THSD4: variants seen among roughly 807,000 people sequenced by gnomAD.
The protein encoded by THSD4 is thrombospondin type 1 domain containing 4.
In THSD4, 69 loss-of-function variants were observed where a neutral mutation model predicts 119.0. The ratio of observed to expected loss-of-function variants is 0.58; its 90% CI spans 0.48 to 0.71. The LOEUF (loss-of-function observed/expected upper bound fraction) is 0.71, where lower values mean the gene tolerates loss of function less well. THSD4 is among the 30% of genes least tolerant of loss of function. The pLI, the probability that THSD4 is intolerant of heterozygous loss-of-function variation, is 0.00. For missense variants in THSD4, 1,393 were observed against 1,391.1 expected (o/e 1.00, Z -0.02); for synonymous variants, 524 against 540.4 (o/e 0.97, Z 0.42).
At chr15:71,374,181 C>G (rs991225151) in intron 6 of THSD4, among the ~76,000 whole-genome samples, 3 of 152,216 alleles carry the variant, frequency 2.0e-5, no homozygotes, top group African/African-American at 7.2e-5. Context: ...ATGTCCTTGA[C>G]TGTGGAGTGG....
At chr15:71,614,656 G>A (rs1238900458) in intron 7 of THSD4, among the ~76,000 whole-genome samples, 1 of 152,184 alleles carries the variant, frequency 6.6e-6, no homozygotes, top group African/African-American at 2.4e-5. Flanking sequence ...TGGGTTATAA[G>A]ACATAGTTCA....
intron 6 of THSD4, chr15:71,341,263 A>C (rs535873847): frequency 6.3e-7 from 1 of 1,596,162 alleles, no homozygotes; most frequent in Admixed American, 1.7e-5. Flanking sequence ...CCTTTTCCGT[A>C]AGGATCATCT....
At chr15:71,446,276 A>G (rs1264277786) in intron 7 of THSD4, among the ~76,000 whole-genome samples, 3 of 151,902 alleles carry the variant, frequency 2.0e-5, no homozygotes, top group Non-Finnish European at 2.9e-5. Flanking sequence ...TGTGTAGATA[A>G]GTATAGCAAC....
chr15:71,742,202 T>C (rs2053250041), intron 11 of THSD4, among the ~76,000 whole-genome samples: 1 of 152,192 alleles, frequency 6.6e-6, no homozygotes, highest in Non-Finnish European at 1.5e-5. Flanking sequence ...ACCACACAGT[T>C]CTGTGCTTTT....
intron 7 of THSD4, among the ~76,000 whole-genome samples, chr15:71,603,669 GGTGGGCT>G (rs58935008): frequency 0.42 from 63,617 of 151,810 alleles, 13,702 homozygotes; most frequent in East Asian, 0.74. Flanking sequence ...GCCTGAAGCT[GGTGGGCT>G]GTGACAGGTA....
chr15:71,486,611 G>GTTTTTTTTTTTTTTTTTTT (rs200120589), intron 7 of THSD4, among the ~76,000 whole-genome samples: 1 of 131,712 alleles, frequency 7.6e-6, no homozygotes, highest in Non-Finnish European at 1.6e-5. Context: ...TTTCTTTTCT[G>GTTTTTTTTTTTTTTTTTTT]TTTTTTTTTT....
At chr15:71,478,091 T>C (rs1431731853) in intron 7 of THSD4, among the ~76,000 whole-genome samples, 3 of 152,146 alleles carry the variant, frequency 2.0e-5, no homozygotes, top group African/African-American at 7.2e-5. Context: ...CATAACAGCA[T>C]CTTAATGAGA....
chr15:71,459,826 C>T (rs895238947), intron 7 of THSD4, among the ~76,000 whole-genome samples: 5 of 152,080 alleles, frequency 3.3e-5, no homozygotes, highest in Non-Finnish European at 7.4e-5. Context: ...TGGGTTAATA[C>T]GTTCTAGGGA....
chr15:71,416,347 C>G (rs2046759441), intron 7 of THSD4, among the ~76,000 whole-genome samples: 1 of 41,646 alleles, frequency 2.4e-5, no homozygotes, highest in Middle Eastern at 7.4e-3. Context: ...GGGTATATGC[C>G]TACCAGTGAG....
intron 6 of THSD4, among the ~76,000 whole-genome samples, chr15:71,398,755 C>A (rs147458968): frequency 1.0e-3 from 157 of 152,160 alleles, no homozygotes; most frequent in African/African-American, 3.6e-3. Flanking sequence ...TGACAGCCAC[C>A]TCCCATGTCC....
intron 7 of THSD4, among the ~76,000 whole-genome samples, chr15:71,641,606 C>T (rs1338576972): frequency 6.6e-6 from 1 of 152,056 alleles, no homozygotes; most frequent in Non-Finnish European, 1.5e-5. Flanking sequence ...GGTGTGATTC[C>T]AAAGACAGAG....
rs1448690834 is a variant in THSD4 at position 71,442,494 on chromosome 15, G to A, written c.1152+30671G>A. 2.8e-5 allele frequency among the ~76,000 whole-genome samples: 4 copies of A among 144,460 alleles called. No homozygotes were observed. The East Asian group carries it at 6.2e-4, about 23-fold the overall frequency. The allele number at this position is 144,460 out of a possible 152,430, so 94.8% of individuals were successfully genotyped here. On this transcript the variant is annotated intron_variant, in intron 7 of 17. Transcript: ENST00000261862. The stretch of plus-strand genomic sequence containing the variant: ...TGAGGCAGAAGAATCGCTTGAACCC[G>A]GGAGGCAGAGGTTGCAGCGAGCCGA...
chr15:71,712,111 C>T (rs1198425875), intron 8 of THSD4, among the ~76,000 whole-genome samples: 1 of 152,116 alleles, frequency 6.6e-6, no homozygotes, highest in Non-Finnish European at 1.5e-5. Context: ...TATTCTGGGC[C>T]ATAAAACAGA....
chr15:71,275,604 C>T (rs555524201), intron 6 of THSD4, among the ~76,000 whole-genome samples: 1 of 152,198 alleles, frequency 6.6e-6, no homozygotes, highest in Non-Finnish European at 1.5e-5. Context: ...GACATTCTCA[C>T]CCCACTGATA....
At chr15:71,688,705 CTCTGTG>C (rs201260581) in intron 8 of THSD4, among the ~76,000 whole-genome samples, 9,699 of 86,100 alleles carry the variant, frequency 0.11, 455 homozygotes, top group African/African-American at 0.21. Flanking sequence ...TGTTTTGTAT[CTCTGTG>C]TGTGTGTGTG....
At chr15:71,739,315 A>G (rs1320597924) in intron 11 of THSD4, among the ~76,000 whole-genome samples, 4 of 152,166 alleles carry the variant, frequency 2.6e-5, no homozygotes, top group African/African-American at 9.7e-5. Flanking sequence ...ACACCGGAGG[A>G]AGCATGGGGC....
chr15:71,278,399 G>A (rs906741958), intron 6 of THSD4, among the ~76,000 whole-genome samples: 1 of 152,084 alleles, frequency 6.6e-6, no homozygotes, highest in African/African-American at 2.4e-5. Context: ...TTGCCCAGCT[G>A]GTCTTGAACT....
intron 7 of THSD4, among the ~76,000 whole-genome samples, chr15:71,421,836 G>A (rs553790120): frequency 1.3e-5 from 2 of 152,148 alleles, no homozygotes; most frequent in Non-Finnish European, 2.9e-5. Context: ...TCTAGATTTT[G>A]TAGGCATGCC....
chr15:71,312,117 C>T (rs1165472460), intron 6 of THSD4, among the ~76,000 whole-genome samples: 1 of 152,200 alleles, frequency 6.6e-6, no homozygotes, highest in Non-Finnish European at 1.5e-5. Flanking sequence ...GTGCTCCCCT[C>T]AAATTCATGT....
Sources: allele counts gnomAD v4.1 joint callset (sites outside exome capture counted in the v4.1 genomes callset), GRCh38; gene constraint gnomAD v4.1.1; transcripts MANE v1.5; gene names NCBI Gene and HGNC (gene_info 2026-07-23, HGNC 2026-07-21).